Variants in GRIN2A observed in about 807,000 individuals in gnomAD.
GRIN2A encodes glutamate receptor ionotropic, NMDA 2A.
Under a neutral mutation model 113.4 loss-of-function variants are expected in GRIN2A, and 22 were observed. The observed-to-expected ratio is 0.19, with a 90% CI of 0.14 to 0.28. GRIN2A has a LOEUF of 0.28. Among genes scored for constraint, GRIN2A ranks in the 10% least tolerant of loss-of-function variants. The pLI, the probability that GRIN2A is intolerant of heterozygous loss-of-function variation, is 1.00. For missense variants in GRIN2A, 1,502 were observed against 1,887.0 expected, an observed-to-expected ratio of 0.80 and a Z score of 3.78; for synonymous variants, 827 against 738.4, an observed-to-expected ratio of 1.12 and a Z score of -1.94.
At chr16:9,786,498 C>T (rs115866092) in intron 11 of GRIN2A, among the ~76,000 whole-genome samples, 1 of 152,188 alleles carries the variant, frequency 6.6e-6, no homozygotes, top group African/African-American at 2.4e-5. Context: ...AGTGATTTTG[C>T]CCAGTACCTT....
At chr16:9,825,289 G>A (rs1307504837) in intron 9 of GRIN2A, among the ~76,000 whole-genome samples, 1 of 152,184 alleles carries the variant, frequency 6.6e-6, no homozygotes, top group African/African-American at 2.4e-5. Context: ...AAATCTTATA[G>A]TGTTTGAAAG....
At chr16:10,027,527 T>C (rs984208613) in intron 2 of GRIN2A, 1 of 152,284 alleles carries the variant, frequency 6.6e-6, no homozygotes, top group Non-Finnish European at 1.5e-5. Flanking sequence ...TCTAGCCATA[T>C]GCAAAATAAG....
chr16:10,093,240 G>C (rs937544870), intron 2 of GRIN2A, among the ~76,000 whole-genome samples: 2 of 152,180 alleles, frequency 1.3e-5, no homozygotes, highest in Non-Finnish European at 2.9e-5. Context: ...AGATGGGGTA[G>C]GTACCATTGC....
At chr16:10,165,394 T>G (rs189814369) in intron 2 of GRIN2A, among the ~76,000 whole-genome samples, 336 of 151,352 alleles carry the variant, frequency 2.2e-3, no homozygotes, top group Non-Finnish European at 4.0e-3. Context: ...TTTATTTTCT[T>G]TATACTGCCC....
rs189613274 is a variant in GRIN2A, at chr16:9,761,500, G to A, written c.*1649C>T. 2.7e-4 allele frequency: 61 copies of A among 230,030 alleles called. 1 individual carries two copies. Among genetic ancestry groups the A allele is most frequent in the African/African-American group, 1.2e-3 (55 of 45,268 alleles). 14.2% of individuals were successfully genotyped at this position (230,030 alleles called of 1,614,324 possible). The stretch of plus-strand genomic sequence containing the variant: ...TCCCAAATACTTCAAAAATATTCAT[G>A]TACATGAAATACACTAATTAACAGA... On this transcript the variant is annotated 3_prime_UTR_variant, in exon 13 of 13. Coordinates refer to ENST00000330684, the MANE Select transcript of GRIN2A (RefSeq NM_001134407.3).
At chr16:9,893,069 G>A (rs1431826441) in intron 3 of GRIN2A, among the ~76,000 whole-genome samples, 1 of 152,150 alleles carries the variant, frequency 6.6e-6, no homozygotes, top group Non-Finnish European at 1.5e-5. Context: ...GGGGTGTTGT[G>A]TGGGGGAGAA....
chr16:10,109,022 AAAAAAAAAAAAAAC>A (rs2048555621), intron 2 of GRIN2A, among the ~76,000 whole-genome samples: 1 of 136,840 alleles, frequency 7.3e-6, no homozygotes, highest in African/African-American at 2.6e-5. Flanking sequence ...TTTAAAAAAA[AAAAAAAAAAAAAAC>A]AAAATTGATA....
chr16:10,089,825 C>T (rs2048152424), intron 2 of GRIN2A, among the ~76,000 whole-genome samples: 1 of 152,194 alleles, frequency 6.6e-6, no homozygotes, highest in African/African-American at 2.4e-5. Flanking sequence ...AAGACAATTA[C>T]TTCCCAAATC....
At chr16:9,925,108 G>A (rs910860907) in intron 3 of GRIN2A, among the ~76,000 whole-genome samples, 8 of 152,138 alleles carry the variant, frequency 5.3e-5, no homozygotes, top group Admixed American at 2.0e-4. Context: ...TGATATTTTT[G>A]TATTACTATA....
At chr16:9,937,932 T>G in intron 3 of GRIN2A, 27 bp downstream of exon 3, 1 of 1,527,010 alleles carries the variant, frequency 6.5e-7, no homozygotes. Context: ...CTGATCCCAC[T>G]TTGGGAGACA....
At chr16:9,846,631 T>C (rs376503186) in intron 5 of GRIN2A, among the ~76,000 whole-genome samples, 1 of 152,096 alleles carries the variant, frequency 6.6e-6, no homozygotes, top group African/African-American at 2.4e-5. Context: ...ATTCCCTATA[T>C]GTAGGTGGCT....
intron 2 of GRIN2A, among the ~76,000 whole-genome samples, chr16:10,001,458 T>C (rs904454958): frequency 6.6e-6 from 1 of 152,174 alleles, no homozygotes; most frequent in African/African-American, 2.4e-5. Context: ...AGTAGACCAA[T>C]GATGTCATCA....
At chr16:9,983,144 T>C (rs1229045935) in intron 2 of GRIN2A, among the ~76,000 whole-genome samples, 1 of 152,200 alleles carries the variant, frequency 6.6e-6, no homozygotes, top group East Asian at 1.9e-4. Context: ...CTTTTCTAGC[T>C]ATTTAAAAAT....
chr16:9,911,879 T>G (rs545195795), intron 3 of GRIN2A, among the ~76,000 whole-genome samples: 1 of 152,196 alleles, frequency 6.6e-6, no homozygotes, highest in Non-Finnish European at 1.5e-5. Context: ...TTAGTCAAGC[T>G]GAAAAGCAGC....
chr16:10,095,958 T>C (rs2048282394), intron 2 of GRIN2A, among the ~76,000 whole-genome samples: 1 of 152,218 alleles, frequency 6.6e-6, no homozygotes, highest in Non-Finnish European at 1.5e-5. Flanking sequence ...CTACTATTCT[T>C]TCAACTTTTC....
intron 2 of GRIN2A, chr16:10,112,299 G>C: frequency 1.5e-6 from 1 of 645,542 alleles, no homozygotes; most frequent in East Asian, 2.7e-5. Context: ...GGTGACAGCA[G>C]CCCAGGCTAA....
At chr16:10,058,508 T>C (rs2047494772) in intron 2 of GRIN2A, among the ~76,000 whole-genome samples, 1 of 152,130 alleles carries the variant, frequency 6.6e-6, no homozygotes, top group African/African-American at 2.4e-5. Context: ...TCTACAACAA[T>C]GATAATGTGA....
intron 2 of GRIN2A, among the ~76,000 whole-genome samples, chr16:9,991,671 C>T (rs998932529): frequency 6.6e-6 from 1 of 152,130 alleles, no homozygotes; most frequent in Non-Finnish European, 1.5e-5. Context: ...TTTGGAGTTG[C>T]TGCACTTAAG....
chr16:9,945,141 G>A (rs778979865), intron 2 of GRIN2A, among the ~76,000 whole-genome samples: 2 of 152,090 alleles, frequency 1.3e-5, no homozygotes, highest in Non-Finnish European at 2.9e-5. Flanking sequence ...GCCAACCCCA[G>A]AGTAAGACCC....
Sources: allele counts gnomAD v4.1 joint callset (sites outside exome capture counted in the v4.1 genomes callset), GRCh38; gene constraint gnomAD v4.1.1; transcripts MANE v1.5; gene names NCBI Gene and HGNC (gene_info 2026-07-23, HGNC 2026-07-21).